STPG2: variants seen among roughly 807,000 people sequenced by gnomAD.
STPG2 encodes the protein sperm-tail PG-rich repeat-containing protein 2.
STPG2 carries 56 observed loss-of-function variants against 54.2 expected under a neutral mutation model. The ratio of observed to expected loss-of-function variants is 1.03; its 90% CI spans 0.83 to 1.29. The LOEUF (loss-of-function observed/expected upper bound fraction) is 1.29. Ranked by LOEUF, STPG2 falls within the 50% of genes most tolerant of loss-of-function variation. The pLI is 0.00. For missense variants in STPG2, 596 were observed against 544.9 expected, an observed-to-expected ratio of 1.09 and a Z score of -0.93; for synonymous variants, 200 against 181.8, an observed-to-expected ratio of 1.10 and a Z score of -0.81.
chr4:97,903,008 T>C (rs1418477592), intron 8 of STPG2, among the ~76,000 whole-genome samples: 1 of 152,096 alleles, frequency 6.6e-6, no homozygotes, highest in Non-Finnish European at 1.5e-5. Flanking sequence ...TTATATATAG[T>C]CTTAAAAAGT....
intron 9 of STPG2, among the ~76,000 whole-genome samples, chr4:97,821,105 T>TG (rs752269819): frequency 1.3e-5 from 2 of 152,064 alleles, no homozygotes; most frequent in Non-Finnish European, 2.9e-5. Flanking sequence ...CTTCCACCTA[T>TG]GGGCCTATAA....
chr4:97,642,752 A>T (rs1027434595), intron 10 of STPG2, among the ~76,000 whole-genome samples: 2 of 151,556 alleles, frequency 1.3e-5, no homozygotes, highest in African/African-American at 4.8e-5. Context: ...TGAAAATATC[A>T]CACAACCAAT....
chr4:97,563,718 G>A (rs1732331560), intron 10 of STPG2, among the ~76,000 whole-genome samples: 1 of 152,160 alleles, frequency 6.6e-6, no homozygotes, highest in Admixed American at 6.5e-5. Flanking sequence ...TTCAGGAGCA[G>A]GTTGCTCAGT....
At position 97,856,168 on chromosome 4, in the gene STPG2, A is replaced by G. The variant is rs572378425; in HGVS notation, c.1045-15236T>C. On this transcript the variant is annotated intron_variant, in intron 8 of 10. Coordinates refer to ENST00000295268, the MANE Select transcript of STPG2 (RefSeq NM_174952.3). ...TATTTGACCTCTTTTTTGGTTCCGTATGAATTCTAAAATAGTTTTCTCTAA... is the reference window on the plus strand; with the variant it reads ...TATTTGACCTCTTTTTTGGTTCCGTGTGAATTCTAAAATAGTTTTCTCTAA... Among the ~76,000 whole-genome samples, 5 of 152,284 alleles carry G rather than the reference A, an allele frequency of 3.3e-5. No homozygotes were observed. The South Asian group carries it at 1.0e-3, about 32-fold the overall frequency.
chr4:97,515,070 A>G (rs1211363309), intron 4 of STPG2, among the ~76,000 whole-genome samples: 4 of 152,122 alleles, frequency 2.6e-5, no homozygotes, highest in Non-Finnish European at 5.9e-5. Context: ...GATGAACGTG[A>G]GACGTGACTA....
At chr4:98,126,375 C>T (rs1739828813) in intron 3 of STPG2, among the ~76,000 whole-genome samples, 1 of 152,174 alleles carries the variant, frequency 6.6e-6, no homozygotes. Context: ...GATCCAAGGC[C>T]CGGGTGGTGT....
chr4:97,506,016 G>GA (rs1203409376), intron 4 of STPG2, among the ~76,000 whole-genome samples: 2 of 20,840 alleles, frequency 9.6e-5, no homozygotes, highest in African/African-American at 4.2e-4. Context: ...GAAAATAGGA[G>GA]ACCAAAAAAA....
At chr4:97,744,695 TAAC>T (rs1289367103) in intron 9 of STPG2, among the ~76,000 whole-genome samples, 1 of 151,244 alleles carries the variant, frequency 6.6e-6, no homozygotes, top group African/African-American at 2.4e-5. Flanking sequence ...AGCAGGAAAT[TAAC>T]AACAATAACT....
intron 10 of STPG2, among the ~76,000 whole-genome samples, chr4:97,703,744 G>GCA (rs1723859047): frequency 7.1e-6 from 1 of 139,990 alleles, no homozygotes; most frequent in South Asian, 2.2e-4. Flanking sequence ...ATATATTATC[G>GCA]TATATATATA....
intron 5 of STPG2, among the ~76,000 whole-genome samples, chr4:98,057,525 G>T (rs757714153): frequency 2.0e-5 from 3 of 152,000 alleles, no homozygotes; most frequent in African/African-American, 7.2e-5. Flanking sequence ...AGAATGAAAA[G>T]GAATGAACAA....
chr4:97,759,938 A>C (rs1159288844), intron 9 of STPG2, among the ~76,000 whole-genome samples: 6 of 152,106 alleles, frequency 3.9e-5, no homozygotes, highest in African/African-American at 1.4e-4. Flanking sequence ...AATTAACATA[A>C]GTTTCCTCAA....
At chr4:98,073,469 T>C (rs1738067904) in intron 5 of STPG2, among the ~76,000 whole-genome samples, 1 of 152,198 alleles carries the variant, frequency 6.6e-6, no homozygotes, top group Admixed American at 6.5e-5. Flanking sequence ...CTCATGCCTG[T>C]AATCCCAGCA....
intron 8 of STPG2, among the ~76,000 whole-genome samples, chr4:97,919,559 T>C (rs1488237684): frequency 2.0e-5 from 3 of 152,006 alleles, no homozygotes; most frequent in East Asian, 3.9e-4. Context: ...TTTAAGCAAA[T>C]ATATTTGGCA....
At chr4:97,590,384 C>T (rs975493371) in intron 10 of STPG2, among the ~76,000 whole-genome samples, 2 of 151,834 alleles carry the variant, frequency 1.3e-5, no homozygotes, top group African/African-American at 4.8e-5. Context: ...TATCATTATT[C>T]CTTGGATCCA....
chr4:97,897,779 A>C (rs1731015973), intron 8 of STPG2, among the ~76,000 whole-genome samples: 1 of 152,092 alleles, frequency 6.6e-6, no homozygotes, highest in Non-Finnish European at 1.5e-5. Context: ...AAATTTGTTT[A>C]AGTTCCTTAT....
Position 97,758,200 on chromosome 4 carries a change from T to C in STPG2, c.1205-45386A>G, listed in dbSNP as rs1725786914. 3.9e-5 allele frequency among the ~76,000 whole-genome samples: 6 copies of C among 152,132 alleles called. No homozygotes were observed. The South Asian group carries it at 1.2e-3, about 32-fold the overall frequency. On this transcript the variant is annotated intron_variant, in intron 9 of 10. Transcript: ENST00000295268. ...CATTTATGTAAGAATAGAAAGGCCC[T>C]AGAGGGCATTCTGCAAGGAATGTGT... is the stretch of plus-strand genomic sequence containing the variant.
chr4:97,860,184 T>C (rs1035551921), intron 8 of STPG2, among the ~76,000 whole-genome samples: 32 of 152,220 alleles, frequency 2.1e-4, no homozygotes, highest in Admixed American at 1.6e-3. Flanking sequence ...TAGTTCCTTT[T>C]TCTTAGCCTT....
chr4:98,080,170 A>G (rs1272603971), intron 5 of STPG2, among the ~76,000 whole-genome samples: 2 of 152,194 alleles, frequency 1.3e-5, no homozygotes, highest in Non-Finnish European at 2.9e-5. Context: ...TATAAAGAAA[A>G]TTACGTAAAA....
intron 5 of STPG2, among the ~76,000 whole-genome samples, chr4:98,100,167 T>C (rs1738985109): frequency 6.6e-6 from 1 of 152,132 alleles, no homozygotes; most frequent in Non-Finnish European, 1.5e-5. Flanking sequence ...CCAAGAATTA[T>C]TTCTCTACAT....
Sources: gnomAD v4.1 joint callset for allele counts (sites outside exome capture counted in the v4.1 genomes callset) on GRCh38, gnomAD v4.1.1 for gene constraint, MANE v1.5 for transcripts, NCBI Gene and HGNC (gene_info 2026-07-23, HGNC 2026-07-21) for gene names.